Variants in BRD3 observed in about 807,000 individuals in gnomAD.
The protein encoded by BRD3 is bromodomain containing 3, also known as bromodomain-containing protein 3.
BRD3 carries 17 observed loss-of-function variants against 66.8 expected under a neutral mutation model. The ratio of observed to expected loss-of-function variants is 0.25; its 90% CI spans 0.17 to 0.38. The LOEUF is 0.38. BRD3 is among the 10% of genes least tolerant of loss of function. The pLI, the probability that BRD3 is intolerant of heterozygous loss-of-function variation, is 1.00. For missense variants in BRD3, 713 were observed against 956.1 expected (o/e 0.75, Z 3.35); for synonymous variants, 421 against 393.2 (o/e 1.07, Z -0.84).
At position 134,053,435 on chromosome 9, in the gene BRD3, T is replaced by G. The variant is rs2132433242; in HGVS notation, c.43A>C (p.Thr15Pro). Reference protein sequence around the residue: ...TTVAPAGIPATPGPVNPPPPE... With the variant: ...TTVAPAGIPAPPGPVNPPPPE... Reference sequence around the variant, plus strand: ...GGGGGTGGGTTCACAGGGCCCGGGGTCGCCGGGATCCCCGCGGGGGCGACT... The same window carrying G: ...GGGGGTGGGTTCACAGGGCCCGGGGGCGCCGGGATCCCCGCGGGGGCGACT... Residue 15 changes from threonine to proline, a missense_variant, in exon 2 of 12, where the codon ACC becomes CCC. This residue lies in a region of BRD3 where 48 missense variants were observed against 42.5 expected (regional missense o/e 1.13). Coordinates refer to ENST00000303407, the MANE Select transcript of BRD3 (RefSeq NM_007371.4). 1 of 1,609,204 alleles carries G rather than the reference T, an allele frequency of 6.2e-7. No individual in the cohort carries two copies. The highest frequency in any genetic ancestry group is 8.5e-7 in the Non-Finnish European group (1 of 1,179,140).
intron 1 of BRD3, among the ~76,000 whole-genome samples, chr9:134,061,020 G>A (rs1830533927): frequency 6.6e-6 from 1 of 152,246 alleles, no homozygotes; most frequent in African/African-American, 2.4e-5. Flanking sequence ...AAACAGGGAG[G>A]GAATGGGAAT....
At chr9:134,064,336 C>T (rs959639215) in intron 1 of BRD3, among the ~76,000 whole-genome samples, 3 of 151,154 alleles carry the variant, frequency 2.0e-5, no homozygotes, top group Admixed American at 6.6e-5. Context: ...AAGACCAGCC[C>T]GGCCAACATG....
Position 134,032,756 on chromosome 9 carries a change from CAG to C in BRD3, c.*832_*833del. On this transcript the variant is annotated 3_prime_UTR_variant, in exon 12 of 12. Coordinates refer to ENST00000303407, the MANE Select transcript of BRD3 (RefSeq NM_007371.4). ...GTTCCCAAGGGTGGCGCGGCAGCAG[CAG>C]CAGGGGCAGCGCTAGCCAGGCGGGG... 4.1e-6 allele frequency: 1 copy of C among 244,416 alleles called. No individual in the cohort carries two copies. The highest frequency in any genetic ancestry group is 7.9e-6 in the Non-Finnish European group (1 of 126,466). 15.1% of individuals were successfully genotyped at this position (244,416 alleles called of 1,614,324 possible).
intron 7 of BRD3, among the ~76,000 whole-genome samples, chr9:134,043,313 T>C (rs1260017288): frequency 6.6e-6 from 1 of 152,210 alleles, no homozygotes; most frequent in African/African-American, 2.4e-5. Flanking sequence ...GACCAGGACC[T>C]AGGCCCTCCG....
chr9:134,051,826 A>T, intron 3 of BRD3, 117 bp from the exon 4 acceptor site: 1 of 1,043,286 alleles, frequency 9.6e-7, no homozygotes, highest in Non-Finnish European at 1.3e-6. Context: ...TTGGCAGCGC[A>T]GGAGAGAACA....
intron 9 of BRD3, among the ~76,000 whole-genome samples, chr9:134,039,307 G>A (rs569603547): frequency 2.0e-5 from 3 of 152,316 alleles, no homozygotes; most frequent in South Asian, 2.1e-4. Context: ...AAACAAAGCC[G>A]GCTGATCTCA....
At chr9:134,064,735 A>G (rs1384958776) in intron 1 of BRD3, among the ~76,000 whole-genome samples, 2 of 152,122 alleles carry the variant, frequency 1.3e-5, no homozygotes, top group African/African-American at 2.4e-5. Context: ...GCAAGCCCTC[A>G]AGCCTCTCAG....
intron 4 of BRD3, 102 bp from the exon 5 acceptor site, chr9:134,050,690 G>A: frequency 1.0e-6 from 1 of 968,778 alleles, no homozygotes; most frequent in Non-Finnish European, 1.5e-6. Flanking sequence ...CCAGCTCTGT[G>A]CTGCCAAGAC....
At chr9:134,064,323 T>C (rs1308124376) in intron 1 of BRD3, among the ~76,000 whole-genome samples, 1 of 150,414 alleles carries the variant, frequency 6.6e-6, no homozygotes, top group East Asian at 1.9e-4. Context: ...AGGTCAGGAG[T>C]TCAAGACCAG....
chr9:134,047,691 T>C (rs556340926), intron 6 of BRD3, among the ~76,000 whole-genome samples: 8 of 152,254 alleles, frequency 5.3e-5, no homozygotes, highest in Non-Finnish European at 1.2e-4. Context: ...CTCACTCCTG[T>C]CTGCTGTGAG....
At chr9:134,050,814 C>G (rs1050210972) in intron 4 of BRD3, among the ~76,000 whole-genome samples, 3 of 152,106 alleles carry the variant, frequency 2.0e-5, no homozygotes, top group Non-Finnish European at 2.9e-5. Context: ...AGGCCCCCCA[C>G]CACAGACCAT....
intron 5 of BRD3, among the ~76,000 whole-genome samples, chr9:134,048,705 G>A (rs1282017197): frequency 6.6e-6 from 1 of 152,150 alleles, no homozygotes; most frequent in Non-Finnish European, 1.5e-5. Context: ...TGGGCGAGGG[G>A]AGATACCTCT....
intron 6 of BRD3, 28 bp downstream of exon 6, chr9:134,048,055 G>A (rs1830212873): frequency 2.6e-6 from 4 of 1,539,590 alleles, no homozygotes; most frequent in Non-Finnish European, 3.5e-6. Flanking sequence ...GACATGGGCA[G>A]AGCAGGGCCT....
chr9:134,055,740 A>C (rs201981689), intron 1 of BRD3: 1 of 152,652 alleles, frequency 6.6e-6, no homozygotes, highest in South Asian at 2.1e-4. Flanking sequence ...CTGCTGCTGC[A>C]CAGGCCCAGA....
intron 1 of BRD3, among the ~76,000 whole-genome samples, chr9:134,066,038 A>C (rs1830644382): frequency 6.6e-6 from 1 of 152,208 alleles, no homozygotes; most frequent in Non-Finnish European, 1.5e-5. Context: ...GCTGTTGTCA[A>C]AGGAAAGTAA....
At chr9:134,051,121 C>T (rs557928007) in intron 4 of BRD3, among the ~76,000 whole-genome samples, 155 of 152,290 alleles carry the variant, frequency 1.0e-3, no homozygotes, top group Admixed American at 3.4e-3. Flanking sequence ...GACAGCAAGA[C>T]GCGGTCTTAC....
chr9:134,066,774 C>A (rs899237629), intron 1 of BRD3, among the ~76,000 whole-genome samples: 4 of 152,230 alleles, frequency 2.6e-5, no homozygotes, highest in African/African-American at 9.6e-5. Context: ...CTTTTGCAGA[C>A]AATGACCAAG....
chr9:134,038,321 A>G (rs376033747), intron 9 of BRD3, among the ~76,000 whole-genome samples: 3 of 151,890 alleles, frequency 2.0e-5, no homozygotes, highest in Non-Finnish European at 4.4e-5. Context: ...AGCCCGGCCA[A>G]TTTTTTCTGT....
chr9:134,051,880 G>GTTGT (rs1564555861), intron 3 of BRD3, among the ~76,000 whole-genome samples, 171 bp from the exon 4 acceptor site: 2 of 113,660 alleles, frequency 1.8e-5, no homozygotes, highest in African/African-American at 7.3e-5. Flanking sequence ...TGTGTGTGTT[G>GTTGT]TTTTTTTTGT....
Sources: allele counts gnomAD v4.1 joint callset (sites outside exome capture counted in the v4.1 genomes callset), GRCh38; gene constraint gnomAD v4.1.1; regional missense constraint gnomAD v4.1.1; transcripts MANE v1.5; gene names NCBI Gene and HGNC (gene_info 2026-07-23, HGNC 2026-07-21).